MIA2: variants seen among roughly 807,000 people sequenced by gnomAD.
MIA2 encodes the protein MIA SH3 domain ER export factor 2.
A neutral mutation model predicts 167.8 loss-of-function variants in MIA2; 127 were observed. That is an observed-to-expected ratio of 0.76 (90% CI 0.66 to 0.88). The LOEUF is 0.88. Ranked by LOEUF, MIA2 falls within the 40% of genes least tolerant of loss-of-function variation. The pLI, the probability that MIA2 is intolerant of heterozygous loss-of-function variation, is 0.00. For missense variants in MIA2, 1,690 were observed against 1,624.7 expected, an observed-to-expected ratio of 1.04 and a Z score of -0.69; for synonymous variants, 552 against 541.9, an observed-to-expected ratio of 1.02 and a Z score of -0.26.
intron 6 of MIA2, among the ~76,000 whole-genome samples, chr14:39,269,215 A>T (rs1429345350): frequency 4.0e-5 from 6 of 151,632 alleles, no homozygotes; most frequent in Non-Finnish European, 8.8e-5. Context: ...ACAACATAAA[A>T]TTCATCCTTT....
intron 24 of MIA2, among the ~76,000 whole-genome samples, chr14:39,322,045 G>A (rs186758165): frequency 7.9e-5 from 12 of 152,172 alleles, no homozygotes; most frequent in African/African-American, 2.9e-4. Context: ...CCAAAGTGCT[G>A]GGATTACAAG....
chr14:39,365,325 C>G (rs2074796037), intron 23 of MIA2, among the ~76,000 whole-genome samples: 1 of 152,200 alleles, frequency 6.6e-6, no homozygotes, highest in African/African-American at 2.4e-5. Flanking sequence ...CTCAGCCTCT[C>G]AAAGTGGTAC....
At chr14:39,367,572 C>G (rs1198485836) in intron 23 of MIA2, among the ~76,000 whole-genome samples, 1 of 152,206 alleles carries the variant, frequency 6.6e-6, no homozygotes, top group Non-Finnish European at 1.5e-5. Context: ...GATCCCTCAC[C>G]CTTTTCCTAC....
At chr14:39,281,417 A>G (rs2152762951) in intron 9 of MIA2, among the ~76,000 whole-genome samples, 1 of 152,082 alleles carries the variant, frequency 6.6e-6, no homozygotes. Flanking sequence ...AATCTTCTTT[A>G]ACTTCCATGT....
intron 6 of MIA2, among the ~76,000 whole-genome samples, chr14:39,274,766 A>G (rs867291078): frequency 6.6e-5 from 10 of 151,136 alleles, no homozygotes; most frequent in African/African-American, 2.4e-4. Flanking sequence ...TGCCAGATCT[A>G]ACCAGCTCAA....
chr14:39,286,414 C>T (rs541695362), intron 9 of MIA2, among the ~76,000 whole-genome samples: 14 of 152,188 alleles, frequency 9.2e-5, no homozygotes, highest in South Asian at 2.1e-4. Context: ...AGCTTTGGCT[C>T]GGCATCAGAG....
chr14:39,286,040 G>A (rs984416708), intron 9 of MIA2, among the ~76,000 whole-genome samples: 2 of 152,204 alleles, frequency 1.3e-5, no homozygotes, highest in African/African-American at 4.8e-5. Flanking sequence ...TCCCAGACGG[G>A]GTGGCGGCTG....
At chr14:39,361,585 T>G (rs1323589660) in intron 23 of MIA2, among the ~76,000 whole-genome samples, 1 of 152,064 alleles carries the variant, frequency 6.6e-6, no homozygotes, top group East Asian at 1.9e-4. Context: ...ATTACAGATG[T>G]GTGCCACCAC....
rs2054361168 is a variant in MIA2, at chr14:39,247,405, G to A, written c.831G>A (p.Gln277=). ...ATGGTGAGCCTCAAACAGAACATCA[G>A]CAAGAATCTGAATCAGAAATTGATT... is the stretch of plus-strand genomic sequence containing the variant. ...LNNGEPQTEH[Q]QESESEIDSV... The change falls in exon 4 of 29, where the codon CAG becomes CAA. Residue 277 remains glutamine (Q), a synonymous_variant. Transcript: ENST00000640607. 2 of 1,614,072 alleles carry A rather than the reference G, an allele frequency of 1.2e-6. No individual in the cohort carries two copies. The highest frequency in any genetic ancestry group is 1.7e-6 in the Non-Finnish European group (2 of 1,180,008).
chr14:39,325,108 A>G (rs1161570115), intron 24 of MIA2, among the ~76,000 whole-genome samples: 1 of 152,038 alleles, frequency 6.6e-6, no homozygotes, highest in East Asian at 1.9e-4. Flanking sequence ...CTGTTGTCCC[A>G]GCTACTTGTA....
At chr14:39,270,014 T>G (rs1025645156) in intron 6 of MIA2, among the ~76,000 whole-genome samples, 1 of 152,184 alleles carries the variant, frequency 6.6e-6, no homozygotes, top group African/African-American at 2.4e-5. Context: ...ATATTTACCA[T>G]ATGTTTAACT....
intron 6 of MIA2, chr14:39,266,984 A>T: frequency 1.3e-6 from 1 of 775,864 alleles, no homozygotes; most frequent in Non-Finnish European, 1.6e-6. Context: ...TATGAGGCCG[A>T]ATCTCATCCT....
At chr14:39,312,720 C>A (rs569165733) in intron 18 of MIA2, among the ~76,000 whole-genome samples, 1 of 151,986 alleles carries the variant, frequency 6.6e-6, no homozygotes, top group Non-Finnish European at 1.5e-5. Context: ...TACCACCCTT[C>A]TTGTAGAGCT....
At chr14:39,311,623 G>A (rs7151835) in intron 18 of MIA2, among the ~76,000 whole-genome samples, 41,510 of 151,014 alleles carry the variant, frequency 0.27, 5,889 homozygotes, top group East Asian at 0.5. Flanking sequence ...GACTACAGGC[G>A]TGCGCCACCA....
In MIA2 at chr14:39,326,993, A is replaced by G. The variant is rs781251405; in HGVS notation, c.3626A>G (p.Gln1209Arg). The change falls in exon 25 of 29, where the codon CAG becomes CGG. Residue 1209 changes from glutamine to arginine, a missense_variant. Gln to Arg is a conservative substitution (Grantham distance 43). Coordinates refer to ENST00000640607, the MANE Select transcript of MIA2 (RefSeq NM_001329214.4). Reference protein sequence around the residue: ...DTGSLSPPWDQDRRMMFPPPG... With the variant: ...DTGSLSPPWDRDRRMMFPPPG... Reference sequence around the variant, plus strand: ...GGGTCTCTGTCACCTCCATGGGACCAGGACCGTAGGATGATGTTTCCTCCG... The same window carrying G: ...GGGTCTCTGTCACCTCCATGGGACCGGGACCGTAGGATGATGTTTCCTCCG... 3.2e-5 allele frequency: 49 copies of G among 1,543,158 alleles called. No individual in the cohort carries two copies. The South Asian group carries it at 6.2e-4, about 20-fold the overall frequency.
chr14:39,359,080 GT>G (rs2074609413), intron 23 of MIA2, among the ~76,000 whole-genome samples: 1 of 152,168 alleles, frequency 6.6e-6, no homozygotes, highest in African/African-American at 2.4e-5. Context: ...CTTCAAAGCT[GT>G]CAGACAGGGA....
intron 23 of MIA2, among the ~76,000 whole-genome samples, chr14:39,368,488 C>G (rs914150948): frequency 2.0e-5 from 3 of 152,164 alleles, no homozygotes; most frequent in African/African-American, 7.2e-5. Context: ...GGCTAAAGAG[C>G]TGTACTCCTC....
intron 10 of MIA2, among the ~76,000 whole-genome samples, chr14:39,291,762 G>A (rs1349054078): frequency 1.3e-5 from 2 of 152,114 alleles, no homozygotes; most frequent in Admixed American, 1.3e-4. Context: ...AGTGTGATTT[G>A]GTTAATTTTA....
Position 39,362,947 on chromosome 14 carries a change from A to G in MIA2, c.2248+13970A>G, listed in dbSNP as rs569809523. Among the ~76,000 whole-genome samples the G allele has an allele frequency of 5.9e-5, 9 of 152,246 alleles. No homozygotes were observed. In the South Asian group the frequency reaches 1.9e-3, roughly 32 times the overall value. On this transcript the variant is annotated intron_variant, in intron 23 of 23. Transcript: ENST00000341502. ...TTCTACTTTGTCCCAGTGGTCTGTC[A>G]TTTAGGAACATGTCATTTAATTTCC...
Sources: allele counts gnomAD v4.1 joint callset (sites outside exome capture counted in the v4.1 genomes callset), GRCh38; gene constraint gnomAD v4.1.1; transcripts MANE v1.5; gene names NCBI Gene and HGNC (gene_info 2026-07-23, HGNC 2026-07-21).